Variants in NLGN1 observed in about 807,000 individuals in gnomAD.
The protein encoded by NLGN1 is neuroligin 1.
In NLGN1, 12 loss-of-function variants were observed where a neutral mutation model predicts 65.5. That is an observed-to-expected ratio of 0.18 (90% CI 0.12 to 0.30). The LOEUF is 0.30. NLGN1 is among the 10% of genes least tolerant of loss of function. The pLI is 1.00. For missense variants in NLGN1, 750 were observed against 1,007.1 expected (o/e 0.74, Z 3.46); for synonymous variants, 350 against 359.5 (o/e 0.97, Z 0.30).
chr3:173,969,522 T>C (rs115239672), intron 4 of NLGN1, among the ~76,000 whole-genome samples: 2,319 of 152,228 alleles, frequency 0.015, 63 homozygotes, highest in African/African-American at 0.052. Context: ...AGATACTAAA[T>C]TAATACATTG....
intron 4 of NLGN1, among the ~76,000 whole-genome samples, chr3:174,103,637 CA>C (rs966280447): frequency 6.6e-6 from 1 of 151,968 alleles, no homozygotes; most frequent in Non-Finnish European, 1.5e-5. Context: ...GCCTTTGAAT[CA>C]GAGGCCTTTT....
chr3:173,421,956 G>C (rs947169109), intron 1 of NLGN1, among the ~76,000 whole-genome samples: 1 of 151,844 alleles, frequency 6.6e-6, no homozygotes, highest in African/African-American at 2.4e-5. Context: ...CATATTAATA[G>C]GATACCCATA....
At chr3:174,174,207 T>G (rs1664562989) in intron 4 of NLGN1, among the ~76,000 whole-genome samples, 1 of 152,140 alleles carries the variant, frequency 6.6e-6, no homozygotes, top group South Asian at 2.1e-4. Flanking sequence ...TACCACAGTT[T>G]CTTTATACAT....
At chr3:174,148,169 T>C (rs1723693542) in intron 4 of NLGN1, among the ~76,000 whole-genome samples, 1 of 152,182 alleles carries the variant, frequency 6.6e-6, no homozygotes, top group African/African-American at 2.4e-5. Flanking sequence ...TATTTTCCCA[T>C]TTGTAGATGT....
chr3:173,495,372 A>G (rs1389643144), intron 2 of NLGN1, among the ~76,000 whole-genome samples: 1 of 151,648 alleles, frequency 6.6e-6, no homozygotes, highest in Non-Finnish European at 1.5e-5. Context: ...CGTTTATTCT[A>G]TCAATTTTGT....
intron 1 of NLGN1, among the ~76,000 whole-genome samples, chr3:173,421,986 C>T (rs890737864): frequency 6.6e-6 from 1 of 151,960 alleles, no homozygotes; most frequent in Non-Finnish European, 1.5e-5. Context: ...TACATATATA[C>T]AATGTTTAAT....
chr3:173,819,772 AATTTT>A (rs1178981986), intron 4 of NLGN1, among the ~76,000 whole-genome samples: 2 of 152,220 alleles, frequency 1.3e-5, no homozygotes, highest in Non-Finnish European at 2.9e-5. Flanking sequence ...CTGGTTTTCC[AATTTT>A]ATTAAGACAA....
chr3:173,426,310 C>T (rs1310739852), intron 1 of NLGN1, among the ~76,000 whole-genome samples: 1 of 151,914 alleles, frequency 6.6e-6, no homozygotes. Context: ...TTTTCATTTG[C>T]ATGCCTTTTT....
chr3:173,528,227 A>C (rs1735972145), intron 2 of NLGN1, among the ~76,000 whole-genome samples: 2 of 152,158 alleles, frequency 1.3e-5, no homozygotes, highest in African/African-American at 4.8e-5. Flanking sequence ...TTAGTCTGGC[A>C]GGGTATAAAA....
chr3:173,799,607 C>T (rs959526709), intron 3 of NLGN1, among the ~76,000 whole-genome samples: 2 of 151,892 alleles, frequency 1.3e-5, no homozygotes, highest in African/African-American at 2.4e-5. Context: ...TTCTACTGAT[C>T]GAACTTTTGC....
intron 4 of NLGN1, among the ~76,000 whole-genome samples, chr3:174,079,207 C>T (rs1741639698): frequency 6.6e-6 from 1 of 151,964 alleles, no homozygotes; most frequent in Admixed American, 6.6e-5. Context: ...AAAAAACTTT[C>T]CCATTAAAAA....
chr3:173,696,749 T>G (rs1322430174), intron 3 of NLGN1, among the ~76,000 whole-genome samples: 1 of 152,222 alleles, frequency 6.6e-6, no homozygotes, highest in Non-Finnish European at 1.5e-5. Flanking sequence ...TTGTTTCTTA[T>G]GAGTTTTAAC....
intron 2 of NLGN1, among the ~76,000 whole-genome samples, chr3:173,490,494 T>C (rs914280751): frequency 2.0e-5 from 3 of 152,184 alleles, no homozygotes; most frequent in Admixed American, 6.5e-5. Context: ...TTGGTTACTG[T>C]AGCCTTGTAG....
At chr3:174,085,609 A>G (rs1480065328) in intron 4 of NLGN1, among the ~76,000 whole-genome samples, 2 of 152,018 alleles carry the variant, frequency 1.3e-5, no homozygotes, top group Non-Finnish European at 2.9e-5. Context: ...TTGAGTGAAC[A>G]TATTTTGTAC....
chr3:173,661,335 T>A (rs1242024997), intron 3 of NLGN1, among the ~76,000 whole-genome samples: 1 of 151,992 alleles, frequency 6.6e-6, no homozygotes. Flanking sequence ...GTTTTTCAGA[T>A]GGATAAGTTG....
chr3:173,613,733 T>G (rs1560052146), intron 3 of NLGN1, among the ~76,000 whole-genome samples: 1 of 152,160 alleles, frequency 6.6e-6, no homozygotes, highest in African/African-American at 2.4e-5. Context: ...ATCCTATTCA[T>G]TTGGTATCTA....
intron 4 of NLGN1, among the ~76,000 whole-genome samples, chr3:173,868,252 G>C (rs1379783779): frequency 5.3e-5 from 8 of 152,150 alleles, no homozygotes; most frequent in Non-Finnish European, 1.2e-4. Flanking sequence ...AATATGAGCA[G>C]TTATGGGAAT....
intron 3 of NLGN1, among the ~76,000 whole-genome samples, chr3:173,736,388 A>G (rs1355195272): frequency 6.6e-6 from 1 of 152,178 alleles, no homozygotes; most frequent in East Asian, 1.9e-4. Flanking sequence ...ACATATGCAC[A>G]GTTTGTGTGT....
chr3:174,178,578 C>T (rs1027224099), intron 4 of NLGN1, among the ~76,000 whole-genome samples: 1 of 152,046 alleles, frequency 6.6e-6, no homozygotes, highest in Admixed American at 6.6e-5. Flanking sequence ...ATGCTAAGTG[C>T]AACGACATAA....
Sources: gnomAD v4.1 joint callset for allele counts (sites outside exome capture counted in the v4.1 genomes callset) on GRCh38, gnomAD v4.1.1 for gene constraint, MANE v1.5 for transcripts, NCBI Gene and HGNC (gene_info 2026-07-23, HGNC 2026-07-21) for gene names.